The following SH2D4A variants were observed in gnomAD, a reference collection of about 807,000 sequenced individuals.
SH2D4A encodes SH2 domain-containing protein 4A.
SH2D4A carries 70 observed loss-of-function variants against 64.7 expected under a neutral mutation model. The ratio of observed to expected loss-of-function variants is 1.08; its 90% CI spans 0.89 to 1.32. The LOEUF is 1.32. Ranked by LOEUF, SH2D4A falls within the 40% of genes most tolerant of loss-of-function variation. The pLI, the probability that SH2D4A is intolerant of heterozygous loss-of-function variation, is 0.00. For synonymous variants in SH2D4A, 268 were observed against 200.7 expected, an observed-to-expected ratio of 1.34 and a Z score of -2.83; for missense variants, 706 against 540.1, an observed-to-expected ratio of 1.31 and a Z score of -3.04.
In SH2D4A at chr8:19,334,716, C is replaced by T. The variant is rs987037685; in HGVS notation, c.372C>T (p.Ser124=). The change falls in exon 4 of 10, where the codon AGC becomes AGT. Residue 124 remains serine, a synonymous_variant. Coordinates refer to ENST00000265807, the MANE Select transcript of SH2D4A (RefSeq NM_022071.4). Reference sequence around the variant, plus strand: ...CTCACTCTGAAGAATTCACCAATAGCTTGAAAACAAAATCACAGTACCATG... The same window carrying T: ...CTCACTCTGAAGAATTCACCAATAGTTTGAAAACAAAATCACAGTACCATG... ...RKTHSEEFTN[S]LKTKSQYHDL... is the part of the protein sequence containing the mutation. 2 of 1,608,454 alleles carry T rather than the reference C, an allele frequency of 1.2e-6. No homozygotes were observed. Among genetic ancestry groups the T allele is most frequent in the Non-Finnish European group, 8.5e-7 (1 of 1,178,520 alleles).
At chr8:19,364,505 T>C (rs3824318) in intron 7 of SH2D4A, among the ~76,000 whole-genome samples, 51,887 of 151,880 alleles carry the variant, frequency 0.34, 9,344 homozygotes, top group Middle Eastern at 0.43. Flanking sequence ...ATACTTAGTA[T>C]ACCCAGTGAA....
chr8:19,356,879 T>C (rs536457321), intron 4 of SH2D4A, among the ~76,000 whole-genome samples: 1 of 152,318 alleles, frequency 6.6e-6, no homozygotes, highest in Admixed American at 6.5e-5. Context: ...AGAATTTAAA[T>C]AGGGGGTAAT....
At chr8:19,327,088 T>G (rs1429586323) in intron 2 of SH2D4A, among the ~76,000 whole-genome samples, 1 of 152,226 alleles carries the variant, frequency 6.6e-6, no homozygotes, top group East Asian at 1.9e-4. Flanking sequence ...CTCTCAGATC[T>G]TAGAGATTTC....
intron 2 of SH2D4A, among the ~76,000 whole-genome samples, chr8:19,327,330 G>A (rs533741787): frequency 1.3e-5 from 2 of 152,322 alleles, no homozygotes; most frequent in South Asian, 4.1e-4. Flanking sequence ...TGATTAAAGA[G>A]TGCGTGTAAT....
In SH2D4A at chr8:19,366,909, T is replaced by C. The variant is rs10090118; in HGVS notation, c.917+2627T>C. Among the ~76,000 whole-genome samples the C allele has an allele frequency of 7.2e-3, 1,100 of 152,354 alleles. 14 individuals are homozygous for C. Among genetic ancestry groups the C allele is most frequent in the African/African-American group, 0.025 (1,038 of 41,584 alleles). ...AATGTCCTCTAGTTCATCCATTTTG[T>C]TGCAAATGACAGGACATTATTCTTT... On this transcript the variant is annotated intron_variant, in intron 7 of 9. Transcript: ENST00000265807.
chr8:19,375,832 A>T (rs2053186246), intron 8 of SH2D4A, among the ~76,000 whole-genome samples: 3 of 152,198 alleles, frequency 2.0e-5, no homozygotes, highest in African/African-American at 7.2e-5. Context: ...TTCATATATC[A>T]TAACATCAGT....
intron 1 of SH2D4A, among the ~76,000 whole-genome samples, chr8:19,316,656 G>T (rs928860297): frequency 6.6e-6 from 1 of 152,160 alleles, no homozygotes; most frequent in Non-Finnish European, 1.5e-5. Context: ...TTCTGTTGCT[G>T]CAGGAATTTG....
chr8:19,358,507 A>C (rs2052829103), intron 5 of SH2D4A, among the ~76,000 whole-genome samples: 1 of 152,146 alleles, frequency 6.6e-6, no homozygotes, highest in South Asian at 2.1e-4. Context: ...TGGAGCAGAG[A>C]CCTGAAGGAA....
chr8:19,344,002 G>A (rs2052571360), intron 4 of SH2D4A, among the ~76,000 whole-genome samples: 1 of 152,200 alleles, frequency 6.6e-6, no homozygotes, highest in African/African-American at 2.4e-5. Context: ...ATGTGTCGGG[G>A]AGGGAGAATG....
At chr8:19,322,260 G>C (rs989424294) in intron 2 of SH2D4A, among the ~76,000 whole-genome samples, 3 of 152,118 alleles carry the variant, frequency 2.0e-5, no homozygotes, top group Non-Finnish European at 4.4e-5. Flanking sequence ...CTGTGCTGCA[G>C]ACCTGCTAAG....
chr8:19,333,423 A>G (rs538854575), intron 3 of SH2D4A, among the ~76,000 whole-genome samples: 1 of 152,220 alleles, frequency 6.6e-6, no homozygotes, highest in Middle Eastern at 3.4e-3. Context: ...TTTGATCTGT[A>G]TGAGTGTATG....
At chr8:19,360,412 G>A (rs932165303) in intron 5 of SH2D4A, among the ~76,000 whole-genome samples, 1 of 151,190 alleles carries the variant, frequency 6.6e-6, no homozygotes, top group South Asian at 2.1e-4. Context: ...TCAGAAGTTC[G>A]AGACCAGCCT....
Position 19,361,310 on chromosome 8 carries a change from A to G in SH2D4A, c.702A>G (p.Ala234=). 1 of 1,610,184 alleles carries G rather than the reference A, an allele frequency of 6.2e-7. No individual in the cohort carries two copies. Residue 234 remains alanine (A), a synonymous_variant, in exon 6 of 10, where the codon GCA becomes GCG. Coordinates refer to ENST00000265807, the MANE Select transcript of SH2D4A (RefSeq NM_022071.4). ...GGAAAGAAGACTCGGAATGGCAGGC[A>G]TCTCGTGAGTACCCAGAGGTCTCCA... is the stretch of plus-strand genomic sequence containing the variant. ...KSWKEDSEWQ[A]SLRKSKAADE...
intron 7 of SH2D4A, among the ~76,000 whole-genome samples, chr8:19,370,619 G>GC (rs1261466719): frequency 6.6e-6 from 1 of 151,956 alleles, no homozygotes; most frequent in Non-Finnish European, 1.5e-5. Flanking sequence ...TCCAGACTAT[G>GC]CATGTCCTTA....
intron 8 of SH2D4A, among the ~76,000 whole-genome samples, chr8:19,379,707 A>C (rs1327150922): frequency 6.6e-6 from 1 of 152,088 alleles, no homozygotes; most frequent in Non-Finnish European, 1.5e-5. Context: ...GCTTCTCCAC[A>C]TCCTTGCCAG....
chr8:19,330,596 CA>C (rs897396249), intron 2 of SH2D4A, among the ~76,000 whole-genome samples: 10 of 152,160 alleles, frequency 6.6e-5, no homozygotes, highest in African/African-American at 2.2e-4. Flanking sequence ...TCCCCACCTG[CA>C]GCAATGCCCC....
intron 1 of SH2D4A, among the ~76,000 whole-genome samples, chr8:19,318,648 T>C (rs1033325849): frequency 6.6e-6 from 1 of 152,250 alleles, no homozygotes; most frequent in Admixed American, 6.5e-5. Context: ...CTAGGTTATC[T>C]GGAAAAAGCA....
At chr8:19,349,325 G>A (rs181211335) in intron 4 of SH2D4A, among the ~76,000 whole-genome samples, 2 of 152,158 alleles carry the variant, frequency 1.3e-5, no homozygotes, top group Non-Finnish European at 2.9e-5. Flanking sequence ...ATATAAGATA[G>A]AATCACAAAA....
At position 19,364,161 on chromosome 8, in the gene SH2D4A, A is replaced by C; in HGVS notation, c.796A>C (p.Lys266Gln). The C allele has an allele frequency of 6.2e-7, 1 of 1,614,106 alleles. No homozygotes were observed. The highest frequency in any genetic ancestry group is 8.5e-7 in the Non-Finnish European group (1 of 1,179,964). Reference sequence around the variant, plus strand: ...CAAGAGGTTATCCCTCGGGGCCCAGAAAGGAAGAGGCGGTGAGAGGCTGCA... The same window carrying C: ...CAAGAGGTTATCCCTCGGGGCCCAGCAAGGAAGAGGCGGTGAGAGGCTGCA... ...DYKRLSLGAQKGRGGERLQSP... is the reference protein window; with the variant it reads ...DYKRLSLGAQQGRGGERLQSP... The change falls in exon 7 of 10, where the codon AAA becomes CAA. Residue 266 changes from lysine to glutamine, a missense_variant. Lys to Gln is a moderately conservative substitution (Grantham distance 53). Transcript: ENST00000265807.
Sources: gnomAD v4.1 joint callset for allele counts (sites outside exome capture counted in the v4.1 genomes callset) on GRCh38, gnomAD v4.1.1 for gene constraint, MANE v1.5 for transcripts, NCBI Gene and HGNC (gene_info 2026-07-23, HGNC 2026-07-21) for gene names.